The following GLDC variants were observed in gnomAD, a reference collection of about 807,000 sequenced individuals.
The protein encoded by GLDC is glycine dehydrogenase (decarboxylating), mitochondrial.
In GLDC, 104 loss-of-function variants were observed where a neutral mutation model predicts 121.3. That is an observed-to-expected ratio of 0.86 (90% CI 0.73 to 1.01). The LOEUF (loss-of-function observed/expected upper bound fraction) is 1.01, where lower values mean the gene tolerates loss of function less well. GLDC is among the 50% of genes least tolerant of loss of function. GLDC has a pLI of 0.00. For synonymous variants in GLDC, 546 were observed against 480.6 expected (o/e 1.14, Z -1.78); for missense variants, 1,429 against 1,306.6 (o/e 1.09, Z -1.44).
chr9:6,587,136 C>T lies in GLDC; in HGVS notation c.1850+5G>A. 1.2e-6 allele frequency: 2 copies of T among 1,611,390 alleles called. No individual in the cohort carries two copies. The highest frequency in any genetic ancestry group is 1.7e-6 in the Non-Finnish European group (2 of 1,178,250). On this transcript the variant is annotated splice_donor_5th_base_variant and intron_variant, in intron 15 of 24. Transcript: ENST00000321612. ...CTGAAACAATAAGAAAAGAAATGCC[C>T]TTACCTGTTTGGCTGGAAACAGACC...
At chr9:6,638,647 G>A (rs934496897) in intron 2 of GLDC, among the ~76,000 whole-genome samples, 1 of 104,794 alleles carries the variant, frequency 9.5e-6, no homozygotes, top group African/African-American at 2.9e-5. Context: ...CTTTTTAACT[G>A]TCTGTCTGAT....
rs1818622198 is a variant in GLDC at position 6,602,090 on chromosome 9, G to C, written c.1155+19C>G. 1 of 1,420,080 alleles carries C rather than the reference G, an allele frequency of 7.0e-7. No individual in the cohort carries two copies. Among genetic ancestry groups the C allele is most frequent in the Non-Finnish European group, 1.0e-6 (1 of 1,002,724 alleles). The allele number at this position is 1,420,080 out of a possible 1,614,324, so 88.0% of individuals were successfully genotyped here. ...TGTATCGTAAGGCATTCAGTAGTCAGGTCAGACGTGTGATTTACCTGAGCT... is the reference window on the plus strand; with the variant it reads ...TGTATCGTAAGGCATTCAGTAGTCACGTCAGACGTGTGATTTACCTGAGCT... On this transcript the variant is annotated intron_variant, in intron 8 of 24. Coordinates refer to ENST00000321612, the MANE Select transcript of GLDC (RefSeq NM_000170.3).
intron 17 of GLDC, chr9:6,558,025 C>T (rs1470258715): frequency 3.2e-5 from 7 of 215,464 alleles, no homozygotes; most frequent in Non-Finnish European, 6.5e-5. Flanking sequence ...CCACTGGTTT[C>T]CTTCCCGCTT....
In GLDC at chr9:6,556,180, G is replaced by C. The variant is rs147951756; in HGVS notation, c.2175C>G (p.Tyr725Ter). The C allele has an allele frequency of 1.2e-6, 2 of 1,613,290 alleles. No individual in the cohort carries two copies. The highest frequency in any genetic ancestry group is 1.7e-6 in the Non-Finnish European group (2 of 1,179,552). Reference sequence around the variant, plus strand: ...GAGCATTCATATTTGCCCCGTCTAGGTAGACCTGTCCTCCATGTTGATGGA... The same window carrying C: ...GAGCATTCATATTTGCCCCGTCTAGCTAGACCTGTCCTCCATGTTGATGGA... ...DLIHQHGGQV[Y>*]LDGANMNAQV... is the part of the protein sequence containing the mutation. Residue 725 changes from tyrosine (Y) to a stop codon, truncating the protein, a stop_gained, in exon 18 of 25, where the codon TAC becomes TAG. Coordinates refer to ENST00000321612, the MANE Select transcript of GLDC (RefSeq NM_000170.3). LOFTEE classifies it high-confidence loss of function.
At chr9:6,633,428 A>G (rs1279820462) in intron 2 of GLDC, among the ~76,000 whole-genome samples, 2 of 152,148 alleles carry the variant, frequency 1.3e-5, no homozygotes, top group East Asian at 1.9e-4. Flanking sequence ...TCTACTTTGC[A>G]ACTTTTGCTT....
rs750059059 is a variant in GLDC at position 6,595,094 on chromosome 9, A to G, written c.1181T>C (p.Met394Thr). The change falls in exon 9 of 25, where the codon ATG (methionine) becomes ACG (threonine). Residue 394 changes from methionine (M) to threonine (T), a missense_variant. Transcript: ENST00000321612. ...AQALLANMAA[M>T]FAIYHGSHGL... ...ATGGGAACCATGGTAGATTGCAAAC[A>G]TGGCAGCCATATTCGCCAAGAGGGC... 12 of 1,612,602 alleles carry G rather than the reference A, an allele frequency of 7.4e-6. No individual in the cohort carries two copies. The highest frequency in any genetic ancestry group is 9.3e-6 in the Non-Finnish European group (11 of 1,178,610).
chr9:6,576,235 G>C (rs1818061768), intron 15 of GLDC, among the ~76,000 whole-genome samples: 1 of 152,198 alleles, frequency 6.6e-6, no homozygotes, highest in Non-Finnish European at 1.5e-5. Flanking sequence ...AGATGTCCAA[G>C]ATCCTAGAAG....
intron 14 of GLDC, 36 bp downstream of exon 14, chr9:6,588,365 T>C (rs1407260273): frequency 4.0e-6 from 6 of 1,505,484 alleles, no homozygotes; most frequent in Admixed American, 3.3e-5. Context: ...ACACTGCCCC[T>C]TGCTGAGTAT....
intron 14 of GLDC, 131 bp downstream of exon 14, chr9:6,588,270 G>A: frequency 1.3e-6 from 1 of 784,110 alleles, no homozygotes; most frequent in Non-Finnish European, 2.3e-6. Flanking sequence ...GAATAGCAAG[G>A]TAAAGAATTA....
intron 9 of GLDC, among the ~76,000 whole-genome samples, chr9:6,594,040 G>A (rs115292710): frequency 0.02 from 3,105 of 151,804 alleles, 95 homozygotes; most frequent in African/African-American, 0.071. Context: ...GCCCACGCTG[G>A]TCTTGAACTC....
chr9:6,540,241 T>G, intron 21 of GLDC, 95 bp from the exon 22 acceptor site: 1 of 834,336 alleles, frequency 1.2e-6, no homozygotes, highest in Non-Finnish European at 2.1e-6. Context: ...GTGCATCAGC[T>G]TTTTATGTGT....
intron 1 of GLDC, 76 bp downstream of exon 1, chr9:6,645,169 G>C (rs1456225691): frequency 5.7e-6 from 8 of 1,404,456 alleles, no homozygotes; most frequent in Non-Finnish European, 7.7e-6. Flanking sequence ...GCTCAGGGTA[G>C]GAGCCGGGAG....
At chr9:6,581,930 T>C (rs1023818453) in intron 15 of GLDC, among the ~76,000 whole-genome samples, 1 of 152,040 alleles carries the variant, frequency 6.6e-6, no homozygotes, top group Non-Finnish European at 1.5e-5. Context: ...AATTAGAACA[T>C]ATAGGCTGGG....
At position 6,645,451 on chromosome 9, in the gene GLDC, CG is replaced by C. The variant is rs1454135069; in HGVS notation, c.48del (p.Gly18AlafsTer73). On this transcript the variant is annotated frameshift_variant, in exon 1 of 25. Transcript: ENST00000321612. LOFTEE classifies it high-confidence loss of function. Reference protein sequence around the residue: ...RAWGLRLGRGVGGGRRLAGGS... With the variant: ...RAWGLRLGRGXGGGRRLAGGS... Reference sequence around the variant, plus strand: ...CCCCCAGCCAGGCGGCGGCCGCCCCCGACCCCGCGGCCCAGGCGCAGCCCCC... The same window carrying C: ...CCCCCAGCCAGGCGGCGGCCGCCCCCACCCCGCGGCCCAGGCGCAGCCCCC... 8.0e-7 allele frequency: 1 copy of C among 1,257,020 alleles called. No individual in the cohort carries two copies. The highest frequency in any genetic ancestry group is 3.3e-5 in the East Asian group (1 of 30,118). The allele number at this position is 1,257,020 out of a possible 1,614,324, so 77.9% of individuals were successfully genotyped here.
chr9:6,543,342 G>A (rs530393659), intron 21 of GLDC, among the ~76,000 whole-genome samples: 4 of 152,132 alleles, frequency 2.6e-5, no homozygotes, highest in Non-Finnish European at 4.4e-5. Context: ...CTCACTGCTC[G>A]GAATGACACC....
At chr9:6,573,382 G>T (rs1818001972) in intron 15 of GLDC, among the ~76,000 whole-genome samples, 1 of 152,108 alleles carries the variant, frequency 6.6e-6, no homozygotes, top group South Asian at 2.1e-4. Flanking sequence ...AATCGCTTGA[G>T]CCCGGCAGGC....
At chr9:6,553,585 C>T in intron 19 of GLDC, 76 bp from the exon 20 acceptor site, 1 of 1,437,672 alleles carries the variant, frequency 7.0e-7, no homozygotes, top group Non-Finnish European at 9.8e-7. Context: ...CTGGGCCCTC[C>T]CAGAAAGCCT....
chr9:6,594,946 A>G, intron 9 of GLDC, 68 bp downstream of exon 9: 2 of 960,998 alleles, frequency 2.1e-6, no homozygotes, highest in African/African-American at 1.6e-5. Flanking sequence ...GACATGCAAT[A>G]TTTTCAATTT....
rs530950646 is a variant in GLDC at position 6,581,126 on chromosome 9, G to A, written c.1850+6015C>T. Among the ~76,000 whole-genome samples, 8 of 152,304 alleles carry A rather than the reference G, an allele frequency of 5.3e-5. No homozygotes were observed. In the East Asian group the frequency reaches 1.5e-3, roughly 29 times the overall value. ...GTATTGAGGGGTTAAGGCCCCCGGG[G>A]TGAAGCCTTCAACAAATGAAGAACA... On this transcript the variant is annotated intron_variant, in intron 15 of 24. Coordinates refer to ENST00000321612, the MANE Select transcript of GLDC (RefSeq NM_000170.3).
Sources: gnomAD v4.1 joint callset for allele counts (sites outside exome capture counted in the v4.1 genomes callset) on GRCh38, gnomAD v4.1.1 for gene constraint, MANE v1.5 for transcripts, NCBI Gene and HGNC (gene_info 2026-07-23, HGNC 2026-07-21) for gene names.